The following LYPD3 variants were observed in gnomAD, a reference collection of about 807,000 sequenced individuals.
LYPD3 encodes LY6/PLAUR domain containing 3, also known as ly6/PLAUR domain-containing protein 3.
A neutral mutation model predicts 21.7 loss-of-function variants in LYPD3; 22 were observed. The observed-to-expected ratio is 1.01, with a 90% CI of 0.72 to 1.45. The LOEUF is 1.45. Among genes scored for constraint, LYPD3 ranks in the 40% most tolerant of loss-of-function variants. The pLI is 0.00. For synonymous variants in LYPD3, 179 were observed against 203.0 expected, an observed-to-expected ratio of 0.88 and a Z score of 1.00; for missense variants, 471 against 466.9, an observed-to-expected ratio of 1.01 and a Z score of -0.08.
At position 43,461,363 on chromosome 19, in the gene LYPD3, A is replaced by C. The variant is rs1237945834; in HGVS notation, c.1029T>G (p.Gly343=). 1.2e-6 allele frequency: 2 copies of C among 1,603,362 alleles called. No individual in the cohort carries two copies. The highest frequency in any genetic ancestry group is 8.5e-7 in the Non-Finnish European group (1 of 1,173,468). ...CAGGTGGAGAAGCTCACAGTAGGAC[A>C]CCAGCAGCCACGGCCAACAGAAGGG... The part of the protein sequence containing the change: ...LAALLLAVAA[G]VLL The change falls in exon 5 of 5, where the codon GGT becomes GGG. Residue 343 remains glycine (G), a synonymous_variant. Transcript: ENST00000244333.
chr19:43,463,499 G>T (rs1970792834), intron 3 of LYPD3, 100 bp downstream of exon 3: 2 of 1,284,768 alleles, frequency 1.6e-6, no homozygotes, highest in Admixed American at 2.0e-5. Context: ...CCCACCCCCA[G>T]CCCAGGTCGA....
At chr19:43,462,675 A>G (rs952153819) in intron 4 of LYPD3, among the ~76,000 whole-genome samples, 1 of 152,182 alleles carries the variant, frequency 6.6e-6, no homozygotes, top group African/African-American at 2.4e-5. Flanking sequence ...AATAGTAATA[A>G]TAAAATAAAA....
rs771529186 is a variant in LYPD3, at chr19:43,463,616, C to A, written c.365G>T (p.Arg122Leu). 23 of 1,602,354 alleles carry A rather than the reference C, an allele frequency of 1.4e-5. No homozygotes were observed. The South Asian group carries it at 2.0e-4, about 14-fold the overall frequency. ...CCACGGACCTGCCGGGTCGAGCGCCCGCGAGGTGAGGTTGAGCTTGGCGTT... is the reference window on the plus strand; with the variant it reads ...CCACGGACCTGCCGGGTCGAGCGCCAGCGAGGTGAGGTTGAGCTTGGCGTT... Reference protein sequence around the residue: ...RCNAKLNLTSRALDPAGNESA... With the variant: ...RCNAKLNLTSLALDPAGNESA... The change falls in exon 3 of 5, where the codon CGG becomes CTG. Residue 122 changes from arginine to leucine, a missense_variant. By Grantham distance (102) the Arg-to-Leu change is moderately radical. Transcript: ENST00000244333.
chr19:43,463,431 G>A (rs1255058570), intron 3 of LYPD3, 144 bp from the exon 4 acceptor site: 1 of 1,358,954 alleles, frequency 7.4e-7, no homozygotes, highest in Non-Finnish European at 1.0e-6. Context: ...GCAACCTCGC[G>A]GCGCCTACAG....
Position 43,464,349 on chromosome 19 carries a change from C to T in LYPD3, c.187G>A (p.Glu63Lys). The T allele has an allele frequency of 6.2e-7, 1 of 1,612,462 alleles. No individual in the cohort carries two copies. The highest frequency in any genetic ancestry group is 8.5e-7 in the Non-Finnish European group (1 of 1,179,490). ...CTGGTCTCCACCGCCCCCACGGCCTCGGTGCAGACGTCCACGCCCGGCGCG... is the reference window on the plus strand; with the variant it reads ...CTGGTCTCCACCGCCCCCACGGCCTTGGTGCAGACGTCCACGCCCGGCGCG... ...KCAPGVDVCT[E>K]AVGAVETIHG... Residue 63 changes from glutamate (E) to lysine (K), a missense_variant, in exon 2 of 5, where the codon GAG (glutamate) becomes AAG (lysine). By Grantham distance (56) the Glu-to-Lys change is moderately conservative (BLOSUM62 1). Coordinates refer to ENST00000244333, the MANE Select transcript of LYPD3 (RefSeq NM_014400.3).
intron 4 of LYPD3, among the ~76,000 whole-genome samples, 160 bp from the exon 5 acceptor site, chr19:43,462,007 A>T (rs774567956): frequency 1.3e-5 from 2 of 151,270 alleles, no homozygotes; most frequent in African/African-American, 2.4e-5. Context: ...CAGGTGGATC[A>T]CTGGGCAACA....
At position 43,461,635 on chromosome 19, in the gene LYPD3, T is replaced by C. The variant is rs774813983; in HGVS notation, c.757A>G (p.Thr253Ala). The C allele has an allele frequency of 1.1e-5, 18 of 1,613,732 alleles. No homozygotes were observed. The highest frequency in any genetic ancestry group is 1.5e-5 in the Non-Finnish European group (18 of 1,179,954). Residue 253 changes from threonine to alanine, a missense_variant, in exon 5 of 5, where the codon ACA becomes GCA. Physicochemically the swap from Thr to Ala is moderately conservative, Grantham distance 58 (BLOSUM62 0). Coordinates refer to ENST00000244333, the MANE Select transcript of LYPD3 (RefSeq NM_014400.3). ...GCCGAGGTAGAAGTGGTGACAGATG[T>C]GGTTGAGGCCACAGTCGTGGGCTCT... is the stretch of plus-strand genomic sequence containing the variant. ...PPEPTTVAST[T>A]SVTTSTSAPV...
At position 43,461,769 on chromosome 19, in the gene LYPD3, C is replaced by G. The variant is rs747696617; in HGVS notation, c.623G>C (p.Gly208Ala). 6.2e-7 allele frequency: 1 copy of G among 1,614,102 alleles called. No individual in the cohort carries two copies. The highest frequency in any genetic ancestry group is 8.5e-7 in the Non-Finnish European group (1 of 1,180,012). The change falls in exon 5 of 5, where the codon GGG (glycine) becomes GCG (alanine). Residue 208 changes from glycine to alanine, a missense_variant. Gly to Ala is a moderately conservative substitution (Grantham distance 60). Transcript: ENST00000244333. ...GCAACAGGAGCCACTGAGCGTGAAC[C>G]CTGGGCCTGTTACTCCATCCCGAGT... The part of the protein sequence containing the change: ...FCTRDGVTGP[G>A]FTLSGSCCQG...
rs1038070307 is a variant in LYPD3, at chr19:43,464,335, C to G, written c.201G>C (p.Ala67=). The G allele has an allele frequency of 1.9e-6, 3 of 1,608,696 alleles. No individual in the cohort carries two copies. Among genetic ancestry groups the G allele is most frequent in the South Asian group, 2.2e-5 (2 of 90,398 alleles). The change falls in exon 2 of 5, where the codon GCG becomes GCC. Residue 67 remains alanine, a synonymous_variant. Transcript: ENST00000244333. Reference sequence around the variant, plus strand: ...GGGGTCCCCACTCACTGGTCTCCACCGCCCCCACGGCCTCGGTGCAGACGT... The same window carrying G: ...GGGGTCCCCACTCACTGGTCTCCACGGCCCCCACGGCCTCGGTGCAGACGT... ...GVDVCTEAVG[A]VETIHGQFSL... is the part of the protein sequence containing the mutation.
chr19:43,463,155 C>T lies in LYPD3; in HGVS notation c.515G>A (p.Cys172Tyr). The change falls in exon 4 of 5, where the codon TGC (cysteine) becomes TAC (tyrosine). Residue 172 changes from cysteine (C) to tyrosine (Y), a missense_variant. Coordinates refer to ENST00000244333, the MANE Select transcript of LYPD3 (RefSeq NM_014400.3). The part of the protein sequence containing the change: ...YNASDHVYKG[C>Y]FDGNVTLTAA... ...CGTCAAGGTGACGTTGCCGTCGAAG[C>T]AGCCCTTGTAGACATGATCGCTGGC... is the stretch of plus-strand genomic sequence containing the variant. The T allele has an allele frequency of 6.2e-7, 1 of 1,612,332 alleles. No homozygotes were observed. Among genetic ancestry groups the T allele is most frequent in the Non-Finnish European group, 8.5e-7 (1 of 1,180,014 alleles).
Position 43,461,344 on chromosome 19 carries a change from G to A in LYPD3, c.*7C>T. The A allele has an allele frequency of 1.3e-6, 2 of 1,582,200 alleles. No individual in the cohort carries two copies. The highest frequency in any genetic ancestry group is 1.7e-6 in the Non-Finnish European group (2 of 1,162,578). Reference sequence around the variant, plus strand: ...TAGGTGAGAGGGAAATTTCCAGGTGGAGAAGCTCACAGTAGGACACCAGCA... The same window carrying A: ...TAGGTGAGAGGGAAATTTCCAGGTGAAGAAGCTCACAGTAGGACACCAGCA... On this transcript the variant is annotated 3_prime_UTR_variant, in exon 5 of 5. Coordinates refer to ENST00000244333, the MANE Select transcript of LYPD3 (RefSeq NM_014400.3).
At chr19:43,464,633 A>T (rs1970806593) in intron 1 of LYPD3, among the ~76,000 whole-genome samples, 177 bp from the exon 2 acceptor site, 1 of 151,896 alleles carries the variant, frequency 6.6e-6, no homozygotes, top group African/African-American at 2.4e-5. Flanking sequence ...GAATCACTGG[A>T]CCCTTTTCCT....
chr19:43,463,226 C>G lies in LYPD3; in HGVS notation c.444G>C (p.Arg148=). The change falls in exon 4 of 5, where the codon CGG becomes CGC. Residue 148 remains arginine, a synonymous_variant. Transcript: ENST00000244333. The part of the protein sequence containing the change: ...VECYSCVGLS[R]EACQGTSPPV... ...GCGGCGATGTACCCTGGCACGCCTC[C>G]CGGCTCAGGCCCACACAGCTGTAGC... is the stretch of plus-strand genomic sequence containing the variant. The G allele has an allele frequency of 6.2e-7, 1 of 1,608,336 alleles. No individual in the cohort carries two copies. Among genetic ancestry groups the G allele is most frequent in the Non-Finnish European group, 8.5e-7 (1 of 1,179,990 alleles).
Position 43,464,317 on chromosome 19 carries a change from C to G in LYPD3, c.211+8G>C, listed in dbSNP as rs560932505. ...AGTGGTGTGCGTGGCCCGGGGGTCC[C>G]CACTCACTGGTCTCCACCGCCCCCA... On this transcript the variant is annotated splice_region_variant and intron_variant, in intron 2 of 4. Transcript: ENST00000244333. 1 of 1,599,514 alleles carries G rather than the reference C, an allele frequency of 6.3e-7. No individual in the cohort carries two copies. Among genetic ancestry groups the G allele is most frequent in the Non-Finnish European group, 8.5e-7 (1 of 1,173,928 alleles).
At chr19:43,462,823 G>A (rs552712928) in intron 4 of LYPD3, among the ~76,000 whole-genome samples, 2 of 152,316 alleles carry the variant, frequency 1.3e-5, no homozygotes, top group East Asian at 1.9e-4. Context: ...GAGATTCCCC[G>A]CAGTGCCTGG....
chr19:43,463,834 T>C (rs1970798112), intron 2 of LYPD3, 65 bp from the exon 3 acceptor site: 5 of 1,533,222 alleles, frequency 3.3e-6, no homozygotes, highest in Non-Finnish European at 4.5e-6. Flanking sequence ...TGGCCCAGAG[T>C]TGGGTAGGGT....
rs566136686 is a variant in LYPD3, at chr19:43,463,269, G to C, written c.401C>G (p.Pro134Arg). 43 of 1,603,240 alleles carry C rather than the reference G, an allele frequency of 2.7e-5. 1 individual carries two copies. In the South Asian group the frequency reaches 4.7e-4, roughly 18 times the overall value. Residue 134 changes from proline (P) to arginine (R), a missense_variant, in exon 4 of 5, where the codon CCG becomes CGG. By Grantham distance (103) the Pro-to-Arg change is moderately radical. Coordinates refer to ENST00000244333, the MANE Select transcript of LYPD3 (RefSeq NM_014400.3). Reference sequence around the variant, plus strand: ...GCTGTAGCACTCCACGCCGTTGGGCGGGTATGCACTCTCATTACCTGCGAG... The same window carrying C: ...GCTGTAGCACTCCACGCCGTTGGGCCGGTATGCACTCTCATTACCTGCGAG... ...LDPAGNESAYPPNGVECYSCV... is the reference protein window; with the variant it reads ...LDPAGNESAYRPNGVECYSCV...
In LYPD3 at chr19:43,464,476, T is replaced by TA. The variant is rs1970805274; in HGVS notation, c.80-21dup. 1 of 1,613,688 alleles carries TA rather than the reference T, an allele frequency of 6.2e-7. No individual in the cohort carries two copies. Among genetic ancestry groups the TA allele is most frequent in the Non-Finnish European group, 8.5e-7 (1 of 1,180,012 alleles). ...GCGCTCCTGGGGGAGCGGAGCCGAATAGACCTGAGCCCTCCTTGCTAAAGC... is the reference window on the plus strand; with the variant it reads ...GCGCTCCTGGGGGAGCGGAGCCGAATAAGACCTGAGCCCTCCTTGCTAAAGC... On this transcript the variant is annotated intron_variant, in intron 1 of 4. Transcript: ENST00000244333.
At chr19:43,463,530 G>C (rs752328090) in intron 3 of LYPD3, 69 bp downstream of exon 3, 8 of 1,562,242 alleles carry the variant, frequency 5.1e-6, no homozygotes, top group African/African-American at 1.3e-5. Context: ...CTCTGCCACG[G>C]CTCCACCTCT....
Sources: gnomAD v4.1 joint callset for allele counts (sites outside exome capture counted in the v4.1 genomes callset) on GRCh38, gnomAD v4.1.1 for gene constraint, MANE v1.5 for transcripts, NCBI Gene and HGNC (gene_info 2026-07-23, HGNC 2026-07-21) for gene names.